PTPRD: variants seen among roughly 807,000 people sequenced by gnomAD.
PTPRD encodes the protein receptor-type tyrosine-protein phosphatase delta.
Under a neutral mutation model 214.5 loss-of-function variants are expected in PTPRD, and 34 were observed. The observed-to-expected ratio is 0.16, with a 90% CI of 0.12 to 0.21. The LOEUF is 0.21. Among genes scored for constraint, PTPRD ranks in the 10% least tolerant of loss-of-function variants. The probability of loss-of-function intolerance (pLI) is 1.00; values close to 1 mark genes in which losing one functional copy is unlikely to be tolerated. For missense variants in PTPRD, 2,545 were observed against 2,398.7 expected (o/e 1.06, Z -1.27); for synonymous variants, 1,128 against 845.7 (o/e 1.33, Z -5.79).
intron 5 of PTPRD, among the ~76,000 whole-genome samples, chr9:9,895,154 C>G (rs1184455200): frequency 6.6e-6 from 1 of 151,964 alleles, no homozygotes. Context: ...GTCTTCTTTC[C>G]TTACAAGTAC....
chr9:8,663,626 G>T (rs929047402), intron 12 of PTPRD, among the ~76,000 whole-genome samples: 1 of 151,918 alleles, frequency 6.6e-6, no homozygotes, highest in Non-Finnish European at 1.5e-5. Context: ...CAAGTAGCTG[G>T]GGTTACAGGC....
chr9:8,477,491 G>C (rs1054105465), intron 30 of PTPRD, among the ~76,000 whole-genome samples: 24 of 152,172 alleles, frequency 1.6e-4, no homozygotes, highest in Non-Finnish European at 3.1e-4. Flanking sequence ...TTTTGTGGCA[G>C]TCCCACTTCA....
intron 2 of PTPRD, among the ~76,000 whole-genome samples, chr9:10,533,461 T>A (rs1391330766): frequency 1.3e-5 from 2 of 152,140 alleles, no homozygotes; most frequent in African/African-American, 4.8e-5. Context: ...AGAGTGGGTA[T>A]ATACACTCAG....
chr9:8,552,256 A>G (rs1269123706), intron 14 of PTPRD, among the ~76,000 whole-genome samples: 1 of 152,218 alleles, frequency 6.6e-6, no homozygotes, highest in Non-Finnish European at 1.5e-5. Flanking sequence ...AGATCTTTGG[A>G]AAGTACAGGG....
At chr9:9,286,725 G>A (rs1949504647) in intron 9 of PTPRD, among the ~76,000 whole-genome samples, 1 of 149,990 alleles carries the variant, frequency 6.7e-6, no homozygotes, top group Non-Finnish European at 1.5e-5. Context: ...TTGTCATTTT[G>A]CACATCTGTA....
chr9:9,578,633 A>C (rs555911101), intron 7 of PTPRD, among the ~76,000 whole-genome samples: 1 of 152,256 alleles, frequency 6.6e-6, no homozygotes, highest in Admixed American at 6.5e-5. Context: ...ATAATATTTA[A>C]TCAGCAATAA....
At chr9:8,387,171 G>C (rs2087421224) in intron 37 of PTPRD, among the ~76,000 whole-genome samples, 1 of 152,194 alleles carries the variant, frequency 6.6e-6, no homozygotes, top group Non-Finnish European at 1.5e-5. Flanking sequence ...CAAGAGCAAA[G>C]AGTAATTAAT....
At chr9:10,228,220 G>C (rs2099595734) in intron 3 of PTPRD, among the ~76,000 whole-genome samples, 1 of 151,962 alleles carries the variant, frequency 6.6e-6, no homozygotes, top group South Asian at 2.1e-4. Context: ...CTATAGAAAT[G>C]ACTGTACAAG....
intron 8 of PTPRD, among the ~76,000 whole-genome samples, chr9:9,546,629 C>T (rs1281560766): frequency 3.3e-5 from 5 of 151,640 alleles, no homozygotes; most frequent in Non-Finnish European, 7.4e-5. Flanking sequence ...AAAATTCTGG[C>T]AGTAATGCAC....
At chr9:9,870,524 T>C (rs2065147548) in intron 5 of PTPRD, among the ~76,000 whole-genome samples, 1 of 152,054 alleles carries the variant, frequency 6.6e-6, no homozygotes, top group Admixed American at 6.6e-5. Flanking sequence ...TTATAATGTA[T>C]TTCATTTGAA....
At chr9:10,519,883 G>A (rs543549000) in intron 2 of PTPRD, among the ~76,000 whole-genome samples, 2 of 152,044 alleles carry the variant, frequency 1.3e-5, no homozygotes, top group Non-Finnish European at 2.9e-5. Context: ...CCAAAGTCCT[G>A]CATCCCCCCA....
At chr9:10,470,207 T>A (rs1190342646) in intron 2 of PTPRD, among the ~76,000 whole-genome samples, 1 of 152,132 alleles carries the variant, frequency 6.6e-6, no homozygotes, top group East Asian at 1.9e-4. Flanking sequence ...TATATGTTTG[T>A]ATCAAAATAT....
intron 39 of PTPRD, among the ~76,000 whole-genome samples, chr9:8,375,080 T>C (rs2082816791): frequency 6.6e-6 from 1 of 151,914 alleles, no homozygotes; most frequent in Non-Finnish European, 1.5e-5. Context: ...GAAGAAGCAA[T>C]ATTTTCTCAT....
chr9:9,137,163 A>G (rs749758194), intron 10 of PTPRD, among the ~76,000 whole-genome samples: 13 of 152,320 alleles, frequency 8.5e-5, no homozygotes, highest in Middle Eastern at 6.8e-3. Context: ...GCAAATTGCT[A>G]TTGAAGAGGA....
chr9:9,124,725 C>A (rs2099824396), intron 10 of PTPRD, among the ~76,000 whole-genome samples: 1 of 152,134 alleles, frequency 6.6e-6, no homozygotes, highest in South Asian at 2.1e-4. Context: ...CAGCCAGTTT[C>A]CATTCAGCCT....
At chr9:8,759,849 C>G (rs900668301) in intron 11 of PTPRD, among the ~76,000 whole-genome samples, 1 of 152,166 alleles carries the variant, frequency 6.6e-6, no homozygotes, top group Non-Finnish European at 1.5e-5. Flanking sequence ...AGCATTCTTT[C>G]CCTTGTGCTG....
intron 37 of PTPRD, among the ~76,000 whole-genome samples, chr9:8,385,394 T>C (rs2086622134): frequency 1.3e-5 from 2 of 152,168 alleles, no homozygotes; most frequent in African/African-American, 2.4e-5. Flanking sequence ...GGGTGGGTGC[T>C]GTGCACCTGT....
intron 2 of PTPRD, among the ~76,000 whole-genome samples, chr9:10,604,883 T>C (rs1395369189): frequency 6.6e-6 from 1 of 151,888 alleles, no homozygotes; most frequent in Non-Finnish European, 1.5e-5. Context: ...GGTATAAAAG[T>C]TTTTTGAAGG....
chr9:8,944,269 G>A (rs1396754766), intron 11 of PTPRD, among the ~76,000 whole-genome samples: 2 of 152,118 alleles, frequency 1.3e-5, no homozygotes, highest in Non-Finnish European at 2.9e-5. Context: ...TGGCGAGGAT[G>A]TGGAGAAAGG....
Sources: gnomAD v4.1 joint callset for allele counts (sites outside exome capture counted in the v4.1 genomes callset) on GRCh38, gnomAD v4.1.1 for gene constraint, MANE v1.5 for transcripts, NCBI Gene and HGNC (gene_info 2026-07-23, HGNC 2026-07-21) for gene names.